Variants in COL13A1 observed in about 807,000 individuals in gnomAD.
COL13A1 encodes collagen type XIII alpha 1 chain, also known as collagen alpha-1(XIII) chain.
Under a neutral mutation model 130.9 loss-of-function variants are expected in COL13A1, and 89 were observed. The observed-to-expected ratio is 0.68, with a 90% CI of 0.57 to 0.81. The LOEUF (loss-of-function observed/expected upper bound fraction) is 0.81. Among genes scored for constraint, COL13A1 ranks in the 30% least tolerant of loss-of-function variants. The pLI, the probability that COL13A1 is intolerant of heterozygous loss-of-function variation, is 0.00. For missense variants in COL13A1, 879 were observed against 934.6 expected, an observed-to-expected ratio of 0.94 and a Z score of 0.78; for synonymous variants, 402 against 341.6, an observed-to-expected ratio of 1.18 and a Z score of -1.95.
intron 4 of COL13A1, among the ~76,000 whole-genome samples, chr10:69,873,065 G>A (rs2059235054): frequency 6.6e-6 from 1 of 152,186 alleles, no homozygotes; most frequent in Non-Finnish European, 1.5e-5. Context: ...GCCCTCAGAT[G>A]TGGAGTGACC....
At chr10:69,953,123 G>A (rs1313042849) in intron 39 of COL13A1, among the ~76,000 whole-genome samples, 155 bp downstream of exon 39, 2 of 152,208 alleles carry the variant, frequency 1.3e-5, no homozygotes, top group East Asian at 1.9e-4. Flanking sequence ...AATTCTGCCC[G>A]CTGTTGGATT....
At chr10:69,826,337 G>A (rs144028359) in intron 2 of COL13A1, among the ~76,000 whole-genome samples, 50 of 152,286 alleles carry the variant, frequency 3.3e-4, no homozygotes, top group African/African-American at 1.1e-3. Flanking sequence ...CTTCGCTGTC[G>A]GAGCCTCATC....
At chr10:69,951,933 A>G (rs2069631279) in intron 38 of COL13A1, among the ~76,000 whole-genome samples, 1 of 152,240 alleles carries the variant, frequency 6.6e-6, no homozygotes, top group African/African-American at 2.4e-5. Flanking sequence ...TTTTTAGGAA[A>G]CACATATAAA....
intron 38 of COL13A1, among the ~76,000 whole-genome samples, chr10:69,949,455 TAC>T (rs1305737263): frequency 6.6e-6 from 1 of 152,210 alleles, no homozygotes; most frequent in African/African-American, 2.4e-5. Flanking sequence ...GTGCTGGAAT[TAC>T]AGACATGAGC....
At chr10:69,931,612 G>T (rs1329638881) in intron 30 of COL13A1, among the ~76,000 whole-genome samples, 1 of 152,148 alleles carries the variant, frequency 6.6e-6, no homozygotes, top group Non-Finnish European at 1.5e-5. Context: ...CACTCAACCG[G>T]CACAGGCAGG....
At chr10:69,848,292 C>T (rs1020112716) in intron 2 of COL13A1, among the ~76,000 whole-genome samples, 1 of 152,194 alleles carries the variant, frequency 6.6e-6, no homozygotes, top group Non-Finnish European at 1.5e-5. Flanking sequence ...TCATCCTATA[C>T]CTCCTGGATG....
chr10:69,880,584 T>TG, intron 7 of COL13A1, 31 bp downstream of exon 7: 1 of 1,609,592 alleles, frequency 6.2e-7, no homozygotes, highest in Non-Finnish European at 8.5e-7. Context: ...CTCGGGGTGT[T>TG]GGGGGGATGG....
At chr10:69,905,152 T>C (rs2062623255) in intron 16 of COL13A1, among the ~76,000 whole-genome samples, 193 bp downstream of exon 16, 1 of 152,170 alleles carries the variant, frequency 6.6e-6, no homozygotes, top group Non-Finnish European at 1.5e-5. Flanking sequence ...TTGCACTTCT[T>C]GGGTGCTCAC....
At position 69,922,077 on chromosome 10, in the gene COL13A1, T is replaced by C. The variant is rs1241521969; in HGVS notation, c.1143+142T>C. 8.6e-6 allele frequency: 10 copies of C among 1,156,152 alleles called. No homozygotes were observed. The Admixed American group carries it at 1.2e-4, about 13-fold the overall frequency. The allele number at this position is 1,156,152 out of a possible 1,614,324, so 71.6% of individuals were successfully genotyped here. ...AGGCAGCTGGAACACAGCCAGATTC[T>C]GTTTGTCGAGGGAGAGGTGCCATAG... On this transcript the variant is annotated intron_variant, in intron 22 of 40. Coordinates refer to ENST00000645393, the MANE Select transcript of COL13A1 (RefSeq NM_001368882.1).
At chr10:69,915,238 C>T (rs1446121664) in intron 17 of COL13A1, among the ~76,000 whole-genome samples, 1 of 152,222 alleles carries the variant, frequency 6.6e-6, no homozygotes, top group Admixed American at 6.5e-5. Flanking sequence ...CTTTTCAGTC[C>T]AGTGCAGACA....
At chr10:69,854,255 G>A (rs1207750822) in intron 2 of COL13A1, among the ~76,000 whole-genome samples, 2 of 152,056 alleles carry the variant, frequency 1.3e-5, no homozygotes, top group African/African-American at 4.8e-5. Context: ...CATGCTTAAG[G>A]CCCTTTCTAT....
chr10:69,941,099 C>T, intron 35 of COL13A1, 76 bp downstream of exon 35: 2 of 1,605,330 alleles, frequency 1.2e-6, no homozygotes, highest in Non-Finnish European at 1.7e-6. Context: ...GTCTGTCCCA[C>T]TGTGGCCTCA....
At chr10:69,852,668 G>A (rs761209598) in intron 2 of COL13A1, among the ~76,000 whole-genome samples, 5 of 152,364 alleles carry the variant, frequency 3.3e-5, no homozygotes, top group South Asian at 2.1e-4. Context: ...GCAGCCCCAC[G>A]GAACCCCTGG....
At chr10:69,861,238 G>A (rs1037148048) in intron 2 of COL13A1, among the ~76,000 whole-genome samples, 5 of 152,156 alleles carry the variant, frequency 3.3e-5, no homozygotes, top group African/African-American at 4.8e-5. Flanking sequence ...CAAGTGCCCC[G>A]CCAGGCTGCC....
intron 2 of COL13A1, among the ~76,000 whole-genome samples, chr10:69,841,782 G>A (rs948158943): frequency 1.3e-5 from 2 of 152,212 alleles, no homozygotes; most frequent in African/African-American, 4.8e-5. Context: ...TAAAGGGCAG[G>A]GAAAGTGTTC....
intron 17 of COL13A1, among the ~76,000 whole-genome samples, chr10:69,910,999 G>A (rs12765629): frequency 0.057 from 8,669 of 152,294 alleles, 325 homozygotes; most frequent in Middle Eastern, 0.12. Context: ...GGAAATGAGA[G>A]CTTCAGGCTA....
At chr10:69,938,725 C>T (rs565558910) in intron 34 of COL13A1, among the ~76,000 whole-genome samples, 12 of 152,286 alleles carry the variant, frequency 7.9e-5, no homozygotes, top group Non-Finnish European at 1.8e-4. Context: ...AGCAACCAAA[C>T]AGCAAATGCA....
At chr10:69,935,262 T>C (rs2135947280) in intron 31 of COL13A1, 88 bp from the exon 32 acceptor site, 1 of 1,176,234 alleles carries the variant, frequency 8.5e-7, no homozygotes, top group Non-Finnish European at 1.2e-6. Context: ...CATGTCCTCC[T>C]CTGGCCTTGC....
intron 16 of COL13A1, among the ~76,000 whole-genome samples, chr10:69,905,541 A>G (rs1229599151): frequency 6.6e-6 from 1 of 152,198 alleles, no homozygotes; most frequent in Non-Finnish European, 1.5e-5. Flanking sequence ...TCTCTACCCA[A>G]GTGACTCTTC....
Sources: gnomAD v4.1 joint callset for allele counts (sites outside exome capture counted in the v4.1 genomes callset) on GRCh38, gnomAD v4.1.1 for gene constraint, MANE v1.5 for transcripts, NCBI Gene and HGNC (gene_info 2026-07-23, HGNC 2026-07-21) for gene names.